Variants in SAMD4B observed in about 807,000 individuals in gnomAD.
SAMD4B encodes the protein protein Smaug homolog 2.
Under a neutral mutation model 74.5 loss-of-function variants are expected in SAMD4B, and 5 were observed. The ratio of observed to expected loss-of-function variants is 0.07; its 90% confidence interval spans 0.04 to 0.14. The LOEUF (loss-of-function observed/expected upper bound fraction) is 0.14, where lower values mean the gene tolerates loss of function less well. Ranked by LOEUF, SAMD4B falls within the 10% of genes least tolerant of loss-of-function variation. SAMD4B has a pLI of 1.00. For synonymous variants in SAMD4B, 373 were observed against 374.9 expected, an observed-to-expected ratio of 1.00 and a Z score of 0.06; for missense variants, 608 against 921.8, an observed-to-expected ratio of 0.66 and a Z score of 4.41.
In SAMD4B at chr19:39,375,760, G is replaced by A. The variant is rs2077565140; in HGVS notation, c.778G>A (p.Ala260Thr). Residue 260 changes from alanine to threonine, a missense_variant, in exon 5 of 14, where the codon GCT becomes ACT. Ala to Thr is a moderately conservative substitution (Grantham distance 58). Transcript: ENST00000610417. This position sits in a 1 kb window ranked among gnomAD's most constrained non-coding sequence, Gnocchi z 4.1. Reference sequence around the variant, plus strand: ...GAGTCCAGAGGAGCTTGGGGCCCGGGCTGCTTTTACCACGCCCGATCACGC... The same window carrying A: ...GAGTCCAGAGGAGCTTGGGGCCCGGACTGCTTTTACCACGCCCGATCACGC... ...WPSPEELGAR[A>T]AFTTPDHAPL... 1.2e-6 allele frequency: 2 copies of A among 1,614,178 alleles called. No individual in the cohort carries two copies. The highest frequency in any genetic ancestry group is 4.5e-5 in the East Asian group (2 of 44,864).
downstream of SAMD4B, chr19:39,390,054 A>G (rs1555727657): frequency 6.2e-7 from 1 of 1,602,228 alleles, no homozygotes; most frequent in South Asian, 1.1e-5. Context: ...TAGTTTTCCC[A>G]TTCCTTAGTC....
intron 3 of SAMD4B, among the ~76,000 whole-genome samples, chr19:39,358,100 G>A (rs1037632970): frequency 2.6e-5 from 4 of 152,080 alleles, no homozygotes; most frequent in East Asian, 1.9e-4. Flanking sequence ...GCAAAACCCC[G>A]TGTCTATTAA....
In SAMD4B at chr19:39,378,713, C is replaced by G; in HGVS notation, c.1530+124C>G. 1 of 695,764 alleles carries G rather than the reference C, an allele frequency of 1.4e-6. No individual in the cohort carries two copies. The highest frequency in any genetic ancestry group is 1.7e-5 in the South Asian group (1 of 58,468). 43.1% of individuals were successfully genotyped at this position (695,764 alleles called of 1,614,324 possible). On this transcript the variant is annotated intron_variant, in intron 9 of 13. Coordinates refer to ENST00000610417, the MANE Select transcript of SAMD4B (RefSeq NM_001384574.2). This position sits in a 1 kb window ranked among gnomAD's most constrained non-coding sequence, Gnocchi z 4.4. ...ATGAGGTCAGGAGATCGAGACCATC[C>G]TGGCTAACACAGTGAAACCCAGTCT...
At chr19:39,354,559 G>A (rs563062835) in intron 2 of SAMD4B, among the ~76,000 whole-genome samples, 54 of 152,050 alleles carry the variant, frequency 3.6e-4, no homozygotes, top group African/African-American at 1.3e-3. Flanking sequence ...CACTGTTGTA[G>A]GCACTGGCTG....
At chr19:39,355,037 T>A (rs1301495438) in intron 2 of SAMD4B, among the ~76,000 whole-genome samples, 1 of 152,080 alleles carries the variant, frequency 6.6e-6, no homozygotes, top group Non-Finnish European at 1.5e-5. Context: ...CACGCCCGGC[T>A]AATTTTTGTA....
intron 7 of SAMD4B, among the ~76,000 whole-genome samples, chr19:39,377,225 A>G (rs2077654954): frequency 6.6e-6 from 1 of 151,912 alleles, no homozygotes; most frequent in Non-Finnish European, 1.5e-5. Flanking sequence ...TGAATCTCTG[A>G]TTCTATCCTT....
chr19:39,350,680 G>T (rs991000711), intron 1 of SAMD4B: 25 of 151,708 alleles, frequency 1.6e-4, no homozygotes, highest in African/African-American at 5.8e-4. Flanking sequence ...GTAGAGACAG[G>T]GTTTCACCGT....
At chr19:39,361,849 A>G (rs1318527736) in intron 3 of SAMD4B, among the ~76,000 whole-genome samples, 1 of 151,992 alleles carries the variant, frequency 6.6e-6, no homozygotes, top group Non-Finnish European at 1.5e-5. Context: ...GCGTGAACCC[A>G]GGAGGCACAG....
chr19:39,379,043 CCT>C (rs143595351), intron 9 of SAMD4B, among the ~76,000 whole-genome samples: 2 of 151,592 alleles, frequency 1.3e-5, no homozygotes, highest in Non-Finnish European at 2.9e-5. Flanking sequence ...ACACACTCTT[CCT>C]CTCTCTCTCT....
chr19:39,343,267 C>T (rs1029019321), intron 1 of SAMD4B, among the ~76,000 whole-genome samples: 2 of 151,834 alleles, frequency 1.3e-5, no homozygotes, highest in African/African-American at 4.8e-5. Flanking sequence ...CCACTTACCC[C>T]ATTCCAGAAA....
intron 1 of SAMD4B, among the ~76,000 whole-genome samples, chr19:39,347,575 G>A (rs2075776284): frequency 6.6e-6 from 1 of 152,238 alleles, no homozygotes; most frequent in South Asian, 2.1e-4. Context: ...GGGATATCAC[G>A]GGTGATATGA....
intron 1 of SAMD4B, among the ~76,000 whole-genome samples, chr19:39,344,375 T>C (rs2059548083): frequency 6.6e-6 from 1 of 151,404 alleles, no homozygotes; most frequent in Non-Finnish European, 1.5e-5. Flanking sequence ...CTGAAGAGTT[T>C]TTCCTAAAAA....
intron 3 of SAMD4B, among the ~76,000 whole-genome samples, chr19:39,358,203 G>A (rs1336234613): frequency 2.6e-5 from 4 of 152,282 alleles, no homozygotes; most frequent in East Asian, 3.9e-4. Flanking sequence ...CCCGGGAGGC[G>A]GAGGTTGCAG....
chr19:39,390,576 G>T (rs372022712), downstream of SAMD4B, among the ~76,000 whole-genome samples: 1 of 152,206 alleles, frequency 6.6e-6, no homozygotes, highest in Non-Finnish European at 1.5e-5. Context: ...ATCGTCTTCG[G>T]AAGAGGGGTC....
chr19:39,377,603 C>G lies in SAMD4B; in HGVS notation c.1223C>G (p.Pro408Arg), dbSNP rs748683390. The change falls in exon 8 of 14, where the codon CCT becomes CGT. Residue 408 changes from proline to arginine, a missense_variant. Transcript: ENST00000610417. Reference protein sequence around the residue: ...QATVAAATTTPTAKDGAPGEP... With the variant: ...QATVAAATTTRTAKDGAPGEP... ...ACCGTGGCTGCCGCCACCACCACCC[C>G]TACTGCCAAGGATGGGGCCCCGGGG... 1.2e-6 allele frequency: 2 copies of G among 1,614,122 alleles called. No homozygotes were observed. Among genetic ancestry groups the G allele is most frequent in the Non-Finnish European group, 1.7e-6 (2 of 1,179,988 alleles).
intron 1 of SAMD4B, among the ~76,000 whole-genome samples, chr19:39,344,840 T>TA (rs2075595430): frequency 6.6e-6 from 1 of 152,182 alleles, no homozygotes; most frequent in Non-Finnish European, 1.5e-5. Flanking sequence ...GCCATGCTCA[T>TA]AGACCCCTCT....
At chr19:39,386,629 C>T, downstream of SAMD4B, 1 of 1,601,810 alleles carries the variant, frequency 6.2e-7, no homozygotes. This position sits in a 1 kb window ranked among gnomAD's most constrained non-coding sequence, Gnocchi z 6.1. Flanking sequence ...GGTTTTTGTC[C>T]CCCTCCTCAC....
intron 1 of SAMD4B, among the ~76,000 whole-genome samples, chr19:39,353,210 C>T (rs1284817929): frequency 6.6e-6 from 1 of 152,286 alleles, no homozygotes; most frequent in African/African-American, 2.4e-5. Flanking sequence ...ACCCTGCATC[C>T]AGGGCAAACA....
intron 3 of SAMD4B, 95 bp downstream of exon 3, chr19:39,357,184 A>G: frequency 5.3e-6 from 6 of 1,142,584 alleles, no homozygotes; most frequent in Non-Finnish European, 7.3e-6. Flanking sequence ...ATGGGACTAA[A>G]AAACGTGGGT....
Sources: allele counts gnomAD v4.1 joint callset (sites outside exome capture counted in the v4.1 genomes callset), GRCh38; gene constraint gnomAD v4.1.1; non-coding constraint Gnocchi (gnomAD v3.1); transcripts MANE v1.5; gene names NCBI Gene and HGNC (gene_info 2026-07-23, HGNC 2026-07-21).